ZNF267: variants seen among roughly 807,000 people sequenced by gnomAD.
ZNF267 encodes the protein zinc finger protein 267, also known as zinc finger (C2H2).
A neutral mutation model predicts 71.6 loss-of-function variants in ZNF267; 61 were observed. The ratio of observed to expected loss-of-function variants is 0.85; its 90% CI spans 0.69 to 1.05. The LOEUF (loss-of-function observed/expected upper bound fraction) is 1.05. ZNF267 is among the 50% of genes least tolerant of loss of function. ZNF267 has a pLI of 0.00. For synonymous variants in ZNF267, 288 were observed against 293.2 expected, an observed-to-expected ratio of 0.98 and a Z score of 0.18; for missense variants, 852 against 870.0, an observed-to-expected ratio of 0.98 and a Z score of 0.26.
chr16:31,883,477 T>C (rs1353266097), intron 1 of ZNF267, among the ~76,000 whole-genome samples: 1 of 152,226 alleles, frequency 6.6e-6, no homozygotes, highest in Non-Finnish European at 1.5e-5. Context: ...CTTGTTTTCG[T>C]TACTCAGTTA....
Position 31,915,953 on chromosome 16 carries a change from A to G in ZNF267, c.1704A>G (p.Arg568=), listed in dbSNP as rs773484903. 9.9e-6 allele frequency: 16 copies of G among 1,612,830 alleles called. No homozygotes were observed. Among genetic ancestry groups the G allele is most frequent in the Non-Finnish European group, 1.4e-5 (16 of 1,179,038 alleles). Residue 568 remains arginine, a synonymous_variant, in exon 4 of 4, where the codon CGA becomes CGG. Transcript: ENST00000300870. The part of the protein sequence containing the change: ...PYSSHLIRHH[R]IHTGEKPYKC... ...GTTCACACCTTATTCGACATCATCG[A>G]ATTCATACTGGAGAAAAACCATACA...
chr16:31,896,092 G>C (rs2083996215), intron 3 of ZNF267, among the ~76,000 whole-genome samples: 1 of 152,142 alleles, frequency 6.6e-6, no homozygotes, highest in Admixed American at 6.5e-5. Flanking sequence ...GCTCACTGCA[G>C]GCTTGATTTC....
At chr16:31,914,255 G>T in intron 3 of ZNF267, 1 of 476,386 alleles carries the variant, frequency 2.1e-6, no homozygotes, top group Non-Finnish European at 3.7e-6. Context: ...GCAAGGGCAA[G>T]GTGGCACAAG....
At chr16:31,874,363 G>C (rs1273800706) in intron 1 of ZNF267, 5 of 188,634 alleles carry the variant, frequency 2.7e-5, no homozygotes, top group Non-Finnish European at 5.5e-5. Flanking sequence ...AAGAATTAAA[G>C]GGAGTCACTG....
intron 3 of ZNF267, among the ~76,000 whole-genome samples, chr16:31,908,664 GA>G (rs962066810): frequency 2.6e-5 from 4 of 151,016 alleles, no homozygotes; most frequent in African/African-American, 9.7e-5. Context: ...ACTGGTTATT[GA>G]AAAAAAACTG....
chr16:31,896,495 G>A (rs1157036320), intron 3 of ZNF267, among the ~76,000 whole-genome samples: 2 of 152,098 alleles, frequency 1.3e-5, no homozygotes, highest in African/African-American at 4.8e-5. Context: ...TCATTCTTCT[G>A]CATATGGATA....
Position 31,877,105 on chromosome 16 carries a change from G to A in ZNF267, c.3+3136G>A, listed in dbSNP as rs915973953. Among the ~76,000 whole-genome samples, 9 of 152,102 alleles carry A rather than the reference G, an allele frequency of 5.9e-5. 1 individual carries two copies. The Middle Eastern group carries it at 0.01, about 172-fold the overall frequency. ...GCACTACAACCACTTCCATATAGTC[G>A]CCTACTCATTAATCATTTTAACACT... is the stretch of plus-strand genomic sequence containing the variant. On this transcript the variant is annotated intron_variant, in intron 1 of 3. Coordinates refer to ENST00000300870, the MANE Select transcript of ZNF267 (RefSeq NM_003414.6).
At chr16:31,881,417 C>T (rs2083888981) in intron 1 of ZNF267, among the ~76,000 whole-genome samples, 1 of 152,130 alleles carries the variant, frequency 6.6e-6, no homozygotes, top group South Asian at 2.1e-4. Context: ...TTCTGGGTGG[C>T]CGCTGCTGCC....
chr16:31,904,222 T>A (rs1461431334), intron 3 of ZNF267, among the ~76,000 whole-genome samples: 4 of 152,232 alleles, frequency 2.6e-5, no homozygotes, highest in Non-Finnish European at 5.9e-5. Context: ...TGGTCAATTT[T>A]GGAATAGGTG....
At chr16:31,877,927 T>A (rs1199627173) in intron 1 of ZNF267, among the ~76,000 whole-genome samples, 1 of 152,126 alleles carries the variant, frequency 6.6e-6, no homozygotes, top group East Asian at 1.9e-4. Flanking sequence ...TTTGAGTAGA[T>A]CTTTGAAATG....
intron 3 of ZNF267, among the ~76,000 whole-genome samples, chr16:31,909,081 G>C (rs1596629610): frequency 2.0e-5 from 1 of 51,132 alleles, no homozygotes; most frequent in South Asian, 7.4e-4. Flanking sequence ...GTGTGTGTGT[G>C]TGTGTGTGTC....
chr16:31,906,481 C>T (rs1256573353), intron 3 of ZNF267, among the ~76,000 whole-genome samples: 1 of 152,182 alleles, frequency 6.6e-6, no homozygotes, highest in Non-Finnish European at 1.5e-5. Context: ...CAATGGTGGG[C>T]ACCCTTCCCC....
intron 1 of ZNF267, among the ~76,000 whole-genome samples, chr16:31,879,385 C>T (rs959802200): frequency 2.0e-5 from 3 of 152,234 alleles, no homozygotes; most frequent in Non-Finnish European, 4.4e-5. Flanking sequence ...GCCTATCATT[C>T]CTTTACATTC....
chr16:31,900,927 TCTTC>T (rs2142350260), intron 3 of ZNF267, among the ~76,000 whole-genome samples: 1 of 152,230 alleles, frequency 6.6e-6, no homozygotes, highest in East Asian at 1.9e-4. Context: ...ATTAGGTATA[TCTTC>T]TAATGCTATC....
intron 3 of ZNF267, among the ~76,000 whole-genome samples, chr16:31,897,252 A>T (rs936346388): frequency 6.6e-6 from 1 of 152,124 alleles, no homozygotes; most frequent in African/African-American, 2.4e-5. Context: ...AATAGCTACA[A>T]AAAGAAAGTC....
rs759217317 is a variant in ZNF267, at chr16:31,915,822, T to C, written c.1573T>C (p.Cys525Arg). Residue 525 changes from cysteine to arginine, a missense_variant, in exon 4 of 4, where the codon TGT (cysteine) becomes CGT (arginine). Transcript: ENST00000300870. Reference sequence around the variant, plus strand: ...AGAAAATCTTTACAAATGCAAAGTATGTGCTAAACCTTTTACTTGTTTCTC... The same window carrying C: ...AGAAAATCTTTACAAATGCAAAGTACGTGCTAAACCTTTTACTTGTTTCTC... ...TGENLYKCKV[C>R]AKPFTCFSNL... The C allele has an allele frequency of 1.7e-5, 28 of 1,613,532 alleles. No homozygotes were observed. The highest frequency in any genetic ancestry group is 1.8e-5 in the Non-Finnish European group (21 of 1,179,996).
At chr16:31,875,050 C>CA (rs964410332) in intron 1 of ZNF267, 485 of 1,158,846 alleles carry the variant, frequency 4.2e-4, no homozygotes, top group Non-Finnish European at 5.1e-4. Flanking sequence ...CACTCCACTG[C>CA]AAAAAAAACT....
At chr16:31,888,824 A>C (rs570134050) in intron 3 of ZNF267, among the ~76,000 whole-genome samples, 1 of 152,120 alleles carries the variant, frequency 6.6e-6, no homozygotes, top group Admixed American at 6.6e-5. Context: ...GTGGTCTCAT[A>C]AAATGAGTTT....
intron 1 of ZNF267, among the ~76,000 whole-genome samples, chr16:31,883,197 G>A (rs1452712663): frequency 6.6e-6 from 1 of 151,128 alleles, no homozygotes; most frequent in Non-Finnish European, 1.5e-5. Context: ...ATAGCACATA[G>A]AATAAACATA....
Sources: allele counts gnomAD v4.1 joint callset (sites outside exome capture counted in the v4.1 genomes callset), GRCh38; gene constraint gnomAD v4.1.1; transcripts MANE v1.5; gene names NCBI Gene and HGNC (gene_info 2026-07-23, HGNC 2026-07-21).